UGT2B4: variants seen among roughly 807,000 people sequenced by gnomAD.
The protein encoded by UGT2B4 is UDP glucuronosyltransferase family 2 member B4.
UGT2B4 carries 49 observed loss-of-function variants against 49.8 expected under a neutral mutation model. The ratio of observed to expected loss-of-function variants is 0.98; its 90% confidence interval spans 0.78 to 1.25. The LOEUF (loss-of-function observed/expected upper bound fraction) is 1.25, where lower values mean the gene tolerates loss of function less well. Ranked by LOEUF, UGT2B4 falls within the 50% of genes most tolerant of loss-of-function variation. The pLI is 0.00. For synonymous variants in UGT2B4, 246 were observed against 217.7 expected (o/e 1.13, Z -1.14); for missense variants, 729 against 627.7 (o/e 1.16, Z -1.73).
chr4:69,493,935 T>A, intron 1 of UGT2B4, 94 bp from the exon 2 acceptor site: 1 of 1,417,592 alleles, frequency 7.1e-7, no homozygotes, highest in Non-Finnish European at 9.4e-7. Flanking sequence ...GGCAAAAATG[T>A]AGGCAAAGTG....
At chr4:69,493,149 T>C (rs1728043920) in intron 2 of UGT2B4, among the ~76,000 whole-genome samples, 2 of 152,062 alleles carry the variant, frequency 1.3e-5, no homozygotes, top group Admixed American at 1.3e-4. Flanking sequence ...TTTTTGTGTT[T>C]TTTTCTCTTC....
rs1728891887 is a variant in UGT2B4, at chr4:69,523,503, A to T, written c.-106+2184T>A. On this transcript the variant is annotated intron_variant, in intron 1 of 1. Transcript: ENST00000510114. ...GGAGTCTTTATTTTCTGAGCAATAG[A>T]TCTCAATACTGGGCTTAAAATATTC... 2.0e-5 allele frequency among the ~76,000 whole-genome samples: 3 copies of T among 152,004 alleles called. 1 individual carries two copies. Among genetic ancestry groups the T allele is most frequent in the Middle Eastern group, 6.8e-3 (2 of 294 alleles).
At chr4:69,496,016 G>A, upstream of UGT2B4, 2 of 1,288,250 alleles carry the variant, frequency 1.6e-6, no homozygotes. Flanking sequence ...GGATGACAAA[G>A]AGACAAATAA....
At chr4:69,522,039 T>A (rs915831093) in intron 1 of UGT2B4, among the ~76,000 whole-genome samples, 1 of 152,190 alleles carries the variant, frequency 6.6e-6, no homozygotes, top group Non-Finnish European at 1.5e-5. Context: ...AGACGATGTG[T>A]TCCTGAGGAA....
chr4:69,486,667 T>A lies in UGT2B4; in HGVS notation c.1032A>T (p.Pro344=). Residue 344 remains proline, a synonymous_variant, in exon 4 of 6, where the codon CCA becomes CCT. Coordinates refer to ENST00000305107, the MANE Select transcript of UGT2B4 (RefSeq NM_021139.3). ...GCCGAGTATTGAGTCCTAAAGTATC[T>A]GGTTTATTCCCATCAAATCTCCACA... The part of the protein sequence containing the change: ...KVLWRFDGNK[P]DTLGLNTRLY... 6.2e-7 allele frequency: 1 copy of A among 1,608,128 alleles called. No individual in the cohort carries two copies. The highest frequency in any genetic ancestry group is 8.5e-7 in the Non-Finnish European group (1 of 1,178,138).
intron 1 of UGT2B4, among the ~76,000 whole-genome samples, chr4:69,503,129 A>C (rs1577896472): frequency 6.6e-6 from 1 of 152,224 alleles, no homozygotes; most frequent in Admixed American, 6.5e-5. Flanking sequence ...AATAGACTTT[A>C]GCCCTAGGGG....
rs184509589 is a variant in UGT2B4 at position 69,514,490 on chromosome 4, T to A, written c.-106+11197A>T. ...TGATTGTCATGGGCAGAACTTCCAA[T>A]ACTATGTTGTATAGGAGTGGGGAGA... On this transcript the variant is annotated intron_variant, in intron 1 of 1. Transcript: ENST00000510114. Among the ~76,000 whole-genome samples, 7 of 152,312 alleles carry A rather than the reference T, an allele frequency of 4.6e-5. No homozygotes were observed. The East Asian group carries it at 9.6e-4, about 21-fold the overall frequency.
intron 5 of UGT2B4, among the ~76,000 whole-genome samples, chr4:69,484,107 CT>C (rs1727694683): frequency 6.6e-6 from 1 of 152,072 alleles, no homozygotes. Context: ...AATGAGAGGT[CT>C]TTTTACACCC....
chr4:69,489,092 C>T (rs796698763), intron 3 of UGT2B4, among the ~76,000 whole-genome samples: 12 of 152,152 alleles, frequency 7.9e-5, no homozygotes, highest in African/African-American at 2.9e-4. Context: ...GGATGTACAT[C>T]GCCCTCAGGA....
intron 3 of UGT2B4, among the ~76,000 whole-genome samples, chr4:69,489,006 C>T (rs1727900014): frequency 6.6e-6 from 1 of 152,086 alleles, no homozygotes; most frequent in Non-Finnish European, 1.5e-5. Flanking sequence ...TGCATGTCAG[C>T]CTTTTTGAAA....
intron 1 of UGT2B4, among the ~76,000 whole-genome samples, chr4:69,516,215 G>A (rs899253312): frequency 1.3e-5 from 2 of 152,160 alleles, no homozygotes; most frequent in African/African-American, 2.4e-5. Context: ...TGGTGTATAT[G>A]TACTACATTT....
At chr4:69,483,177 A>G (rs887476672) in intron 5 of UGT2B4, among the ~76,000 whole-genome samples, 7 of 152,158 alleles carry the variant, frequency 4.6e-5, no homozygotes, top group African/African-American at 1.7e-4. Flanking sequence ...CAAAATTTAA[A>G]GATTTTTTAG....
intron 4 of UGT2B4, among the ~76,000 whole-genome samples, chr4:69,486,006 C>T (rs756537432): frequency 3.9e-5 from 6 of 152,122 alleles, no homozygotes; most frequent in Non-Finnish European, 7.4e-5. Context: ...GTCAATCCAC[C>T]TGCATCAGCC....
At chr4:69,525,382 G>A (rs569849513) in intron 1 of UGT2B4, among the ~76,000 whole-genome samples, 1 of 152,214 alleles carries the variant, frequency 6.6e-6, no homozygotes, top group African/African-American at 2.4e-5. Flanking sequence ...AAAAGCAAAG[G>A]CACTGATGTG....
upstream of UGT2B4, among the ~76,000 whole-genome samples, chr4:69,500,409 A>G (rs1018266904): frequency 2.0e-4 from 31 of 151,812 alleles, no homozygotes; most frequent in Non-Finnish European, 5.9e-5. Flanking sequence ...AAACAAATAC[A>G]ATGAAGAACA....
chr4:69,496,005 T>C, upstream of UGT2B4: 1 of 1,330,226 alleles, frequency 7.5e-7, no homozygotes, highest in Non-Finnish European at 1.0e-6. Context: ...TCTGAGCATG[T>C]GGATGACAAA....
chr4:69,525,660 A>T, intron 1 of UGT2B4: 12 of 1,258,618 alleles, frequency 9.5e-6, no homozygotes, highest in Non-Finnish European at 1.1e-5. Context: ...CACATTACAC[A>T]TTCAATGCAC....
intron 4 of UGT2B4, 74 bp downstream of exon 4, chr4:69,486,535 T>C (rs1560432534): frequency 9.9e-7 from 1 of 1,005,702 alleles, no homozygotes. Flanking sequence ...TTCAGTAAGC[T>C]TGTTTCATGA....
At chr4:69,525,681 A>T in intron 1 of UGT2B4, 1 of 1,275,854 alleles carries the variant, frequency 7.8e-7, no homozygotes, top group Non-Finnish European at 1.0e-6. Flanking sequence ...AATTTATAGC[A>T]CTTACCTAAT....
Sources: allele counts gnomAD v4.1 joint callset (sites outside exome capture counted in the v4.1 genomes callset), GRCh38; gene constraint gnomAD v4.1.1; transcripts MANE v1.5; gene names NCBI Gene and HGNC (gene_info 2026-07-23, HGNC 2026-07-21).